ISOC1: variants seen among roughly 807,000 people sequenced by gnomAD.
The protein encoded by ISOC1 is isochorismatase domain-containing protein 1.
Under a neutral mutation model 30.0 loss-of-function variants are expected in ISOC1, and 33 were observed. The observed-to-expected ratio is 1.10, with a 90% CI of 0.83 to 1.47. The LOEUF (loss-of-function observed/expected upper bound fraction) is 1.47. Ranked by LOEUF, ISOC1 falls within the 40% of genes most tolerant of loss-of-function variation. The pLI, the probability that ISOC1 is intolerant of heterozygous loss-of-function variation, is 0.00. For missense variants in ISOC1, 372 were observed against 388.0 expected (o/e 0.96, Z 0.35); for synonymous variants, 178 against 159.8 (o/e 1.11, Z -0.86).
In ISOC1 at chr5:129,094,961, C is replaced by T; in HGVS notation, c.195C>T (p.His65=). ...TGTACGGCGACCAGATCGACATGCACCGCAAATTCGTGGTGCAGCTGTTCG... is the reference window on the plus strand; with the variant it reads ...TGTACGGCGACCAGATCGACATGCATCGCAAATTCGTGGTGCAGCTGTTCG... ...LSLYGDQIDM[H]RKFVVQLFAE... Residue 65 remains histidine (H), a synonymous_variant, in exon 1 of 5, where the codon CAC becomes CAT. Transcript: ENST00000173527. The T allele has an allele frequency of 6.2e-7, 1 of 1,612,188 alleles. No individual in the cohort carries two copies. Among genetic ancestry groups the T allele is most frequent in the Non-Finnish European group, 8.5e-7 (1 of 1,179,830 alleles).
chr5:129,102,857 A>T (rs995210365), intron 1 of ISOC1, among the ~76,000 whole-genome samples: 1 of 152,212 alleles, frequency 6.6e-6, no homozygotes, highest in East Asian at 1.9e-4. Flanking sequence ...AATCCAGACA[A>T]TGAAACTTGT....
chr5:129,097,926 T>C (rs1388652202), intron 1 of ISOC1, among the ~76,000 whole-genome samples: 1 of 152,142 alleles, frequency 6.6e-6, no homozygotes, highest in Non-Finnish European at 1.5e-5. Context: ...CAAGGTGGCC[T>C]ATCGGTGAGT....
intron 4 of ISOC1, among the ~76,000 whole-genome samples, chr5:129,109,440 T>G (rs1753678060): frequency 6.6e-6 from 1 of 152,230 alleles, no homozygotes; most frequent in Non-Finnish European, 1.5e-5. Context: ...TGCTGCTTTT[T>G]TTGTTGTTAC....
Position 129,109,345 on chromosome 5 carries a change from A to G in ISOC1, c.750+2283A>G, listed in dbSNP as rs570051254. On this transcript the variant is annotated intron_variant, in intron 4 of 4. Transcript: ENST00000173527. ...TGGAAATGATAATAGCAACAAGATC[A>G]TAGGATTTTTGTGAGAATGGAATGA... Among the ~76,000 whole-genome samples, 11 of 152,342 alleles carry G rather than the reference A, an allele frequency of 7.2e-5. No homozygotes were observed. In the South Asian group the frequency reaches 2.3e-3, roughly 32 times the overall value.
intron 1 of ISOC1, among the ~76,000 whole-genome samples, chr5:129,104,723 A>G (rs961875838): frequency 3.0e-4 from 46 of 151,766 alleles, no homozygotes; most frequent in African/African-American, 1.1e-3. Flanking sequence ...GTTATATCAT[A>G]TCTGTATTGT....
At chr5:129,105,479 A>G in intron 3 of ISOC1, 91 bp downstream of exon 3, 2 of 1,075,956 alleles carry the variant, frequency 1.9e-6, no homozygotes, top group Non-Finnish European at 1.4e-6. Context: ...TATGCCAGGT[A>G]GGCAGTAATA....
At chr5:129,103,291 T>C (rs2150170987) in intron 1 of ISOC1, among the ~76,000 whole-genome samples, 1 of 152,336 alleles carries the variant, frequency 6.6e-6, no homozygotes, top group Non-Finnish European at 1.5e-5. Context: ...TATATTTGTA[T>C]ATAAGATCCT....
At chr5:129,104,875 T>C in intron 1 of ISOC1, 81 bp from the exon 2 acceptor site, 1 of 1,428,538 alleles carries the variant, frequency 7.0e-7, no homozygotes, top group Non-Finnish European at 9.5e-7. Context: ...TAGGACCATT[T>C]TTCTTCCTTT....
At chr5:129,103,651 A>G (rs1033231411) in intron 1 of ISOC1, among the ~76,000 whole-genome samples, 1 of 152,200 alleles carries the variant, frequency 6.6e-6, no homozygotes, top group African/African-American at 2.4e-5. Flanking sequence ...TTAATGGTTA[A>G]TTTAATTCAT....
Position 129,113,243 on chromosome 5 carries a change from T to TA in ISOC1, c.*250dup, listed in dbSNP as rs1400581227. The TA allele has an allele frequency of 4.8e-5, 17 of 352,018 alleles. No homozygotes were observed. Among genetic ancestry groups the TA allele is most frequent in the Admixed American group, 8.7e-5 (2 of 23,086 alleles). 21.8% of individuals were successfully genotyped at this position (352,018 alleles called of 1,614,324 possible). A position where few individuals can be genotyped will look rare whatever the true frequency, so the allele number is the denominator to read the frequency against. On this transcript the variant is annotated 3_prime_UTR_variant, in exon 5 of 5. Coordinates refer to ENST00000173527, the MANE Select transcript of ISOC1 (RefSeq NM_016048.2). ...TTTTTGTTAATGTGCTTTTATTTAT[T>TA]AAAAAAAATTACAATGAAGATGCCT...
intron 3 of ISOC1, among the ~76,000 whole-genome samples, chr5:129,106,633 A>G (rs2150171655): frequency 6.6e-6 from 1 of 152,370 alleles, no homozygotes; most frequent in East Asian, 1.9e-4. Flanking sequence ...TAAATCAGCT[A>G]TGTGAAGGTC....
intron 1 of ISOC1, among the ~76,000 whole-genome samples, chr5:129,100,193 T>A (rs1010773198): frequency 1.3e-5 from 2 of 152,236 alleles, no homozygotes; most frequent in African/African-American, 4.8e-5. Context: ...CCAAATTTTT[T>A]AAACATCGCA....
chr5:129,108,514 T>A (rs1183278260), intron 4 of ISOC1, among the ~76,000 whole-genome samples: 1 of 152,026 alleles, frequency 6.6e-6, no homozygotes, highest in African/African-American at 2.4e-5. Context: ...CCATTTCTTT[T>A]TTTTTTTTTT....
chr5:129,094,782 C>T lies in ISOC1; in HGVS notation c.16C>T (p.Pro6Ser). The T allele has an allele frequency of 1.3e-6, 2 of 1,506,768 alleles. No homozygotes were observed. The highest frequency in any genetic ancestry group is 1.8e-6 in the Non-Finnish European group (2 of 1,133,286). The allele number at this position is 1,506,768 out of a possible 1,614,324, so 93.3% of individuals were successfully genotyped here. A position where few individuals can be genotyped will look rare whatever the true frequency, so the allele number is the denominator to read the frequency against. ...TCGGGGGAACATGGCGGCTGCGGAG[C>T]CGGCGGTCCTTGCGCTCCCCAACAG... MAAAE[P>S]AVLALPNSGA... Residue 6 changes from proline (P) to serine (S), a missense_variant, in exon 1 of 5, where the codon CCG (proline) becomes TCG (serine). Physicochemically the swap from Pro to Ser is moderately conservative, Grantham distance 74 (BLOSUM62 -1). Transcript: ENST00000173527.
At chr5:129,106,068 T>C (rs1473365982) in intron 3 of ISOC1, among the ~76,000 whole-genome samples, 1 of 152,194 alleles carries the variant, frequency 6.6e-6, no homozygotes, top group Non-Finnish European at 1.5e-5. Context: ...GTATATTCAA[T>C]ATTTCTGTAT....
chr5:129,100,754 G>A (rs561737045), intron 1 of ISOC1, among the ~76,000 whole-genome samples: 12 of 152,160 alleles, frequency 7.9e-5, no homozygotes, highest in Non-Finnish European at 1.3e-4. Context: ...GATTTTAACA[G>A]CCTGTTGGAA....
At chr5:129,096,734 A>G (rs1198642956) in intron 1 of ISOC1, among the ~76,000 whole-genome samples, 1 of 152,208 alleles carries the variant, frequency 6.6e-6, no homozygotes, top group African/African-American at 2.4e-5. Flanking sequence ...CTAGAATCCA[A>G]ATACTAACTG....
chr5:129,106,325 G>A (rs1210255494), intron 3 of ISOC1, among the ~76,000 whole-genome samples: 1 of 152,176 alleles, frequency 6.6e-6, no homozygotes, highest in Non-Finnish European at 1.5e-5. Context: ...TGTAATACAT[G>A]ATTCAGTCAT....
In ISOC1 at chr5:129,113,148, C is replaced by T. The variant is rs1467950845; in HGVS notation, c.*147C>T. ...TTTTGCGCCTCCTAGTGAAACTTAA[C>T]CAGCTAGACCATTTGAGTACCAGCA... On this transcript the variant is annotated 3_prime_UTR_variant, in exon 5 of 5. Transcript: ENST00000173527. 1.7e-6 allele frequency: 1 copy of T among 605,210 alleles called. No individual in the cohort carries two copies. Among genetic ancestry groups the T allele is most frequent in the Non-Finnish European group, 2.7e-6 (1 of 367,078 alleles). 37.5% of individuals were successfully genotyped at this position (605,210 alleles called of 1,614,324 possible). A position where few individuals can be genotyped will look rare whatever the true frequency, so the allele number is the denominator to read the frequency against.
Sources: gnomAD v4.1 joint callset for allele counts (sites outside exome capture counted in the v4.1 genomes callset) on GRCh38, gnomAD v4.1.1 for gene constraint, MANE v1.5 for transcripts, NCBI Gene and HGNC (gene_info 2026-07-23, HGNC 2026-07-21) for gene names.